The following IFNAR2 variants were observed in gnomAD, a reference collection of about 807,000 sequenced individuals.
IFNAR2 encodes interferon alpha and beta receptor subunit 2.
IFNAR2 carries 30 observed loss-of-function variants against 49.4 expected under a neutral mutation model. That is an observed-to-expected ratio of 0.61 (90% CI 0.45 to 0.82). IFNAR2 has a LOEUF of 0.82. IFNAR2 is among the 40% of genes least tolerant of loss of function. The pLI, the probability that IFNAR2 is intolerant of heterozygous loss-of-function variation, is 0.00. For synonymous variants in IFNAR2, 224 were observed against 234.5 expected, an observed-to-expected ratio of 0.96 and a Z score of 0.41; for missense variants, 600 against 622.7, an observed-to-expected ratio of 0.96 and a Z score of 0.39.
chr21:33,242,089 C>G (rs1986983825), intron 2 of IFNAR2, 112 bp downstream of exon 2: 4 of 911,432 alleles, frequency 4.4e-6, no homozygotes, highest in African/African-American at 1.7e-5. Flanking sequence ...GGACCCAGTA[C>G]CACCCTGCCT....
At chr21:33,247,722 C>T (rs1455396398) in intron 5 of IFNAR2, among the ~76,000 whole-genome samples, 1 of 152,228 alleles carries the variant, frequency 6.6e-6, no homozygotes, top group Non-Finnish European at 1.5e-5. Flanking sequence ...AGTTCCCTAA[C>T]ACACTGTGTT....
At chr21:33,262,159 G>A (rs1460805406) in intron 8 of IFNAR2, among the ~76,000 whole-genome samples, 1 of 152,158 alleles carries the variant, frequency 6.6e-6, no homozygotes, top group African/African-American at 2.4e-5. Flanking sequence ...GAGGTCGGGA[G>A]TTCAAGACCA....
Position 33,265,355 on chromosome 21 carries a change from A to G in IFNAR2, c.*1855A>G, listed in dbSNP as rs1457937379. 1 of 152,386 alleles carries G rather than the reference A, an allele frequency of 6.6e-6. No homozygotes were observed. Among genetic ancestry groups the G allele is most frequent in the East Asian group, 1.9e-4 (1 of 5,198 alleles). 9.4% of individuals were successfully genotyped at this position (152,386 alleles called of 1,614,324 possible). A position where few individuals can be genotyped will look rare whatever the true frequency, so the allele number is the denominator to read the frequency against. On this transcript the variant is annotated 3_prime_UTR_variant, in exon 9 of 9. Transcript: ENST00000342136. Reference sequence around the variant, plus strand: ...TAGGCCCCTTCAAAGGGGGAAAACTAAAAATTATACAAGTTATAGTTCAAG... The same window carrying G: ...TAGGCCCCTTCAAAGGGGGAAAACTGAAAATTATACAAGTTATAGTTCAAG...
intron 1 of IFNAR2, chr21:33,236,627 C>G: frequency 1.1e-6 from 1 of 932,040 alleles, no homozygotes; most frequent in Non-Finnish European, 1.3e-6. Flanking sequence ...CCCATGCCAA[C>G]AGTAGCAGCA....
At position 33,246,901 on chromosome 21, in the gene IFNAR2, T is replaced by C. The variant is rs1269452831; in HGVS notation, c.394+11T>C. 2.5e-6 allele frequency: 4 copies of C among 1,604,982 alleles called. No homozygotes were observed. Among genetic ancestry groups the C allele is most frequent in the Non-Finnish European group, 3.4e-6 (4 of 1,172,478 alleles). ...GGCTGGCCATAGACAGTGAGTTTTA[T>C]CTCTGTTTCTCCACTTCGTCCCCAT... On this transcript the variant is annotated intron_variant, in intron 5 of 8. Transcript: ENST00000342136.
intron 7 of IFNAR2, among the ~76,000 whole-genome samples, chr21:33,255,644 CT>C (rs1442500474): frequency 6.6e-6 from 1 of 152,150 alleles, no homozygotes; most frequent in East Asian, 1.9e-4. Context: ...AATTTGGGGA[CT>C]CCCCAACCCT....
At position 33,230,524 on chromosome 21, in the gene IFNAR2, T is replaced by A. The variant is rs1985973288; in HGVS notation, c.-84+308T>A. On this transcript the variant is annotated intron_variant, in intron 1 of 8. Coordinates refer to ENST00000342136, the MANE Select transcript of IFNAR2 (RefSeq NM_001289125.3). This position sits in a 1 kb window ranked among gnomAD's most constrained non-coding sequence, Gnocchi z 5.5. ...GCGTCCCACCCCACCCCACCAAGGATGCCCAGGATACCGGGCATTTGCCAC... is the reference window on the plus strand; with the variant it reads ...GCGTCCCACCCCACCCCACCAAGGAAGCCCAGGATACCGGGCATTTGCCAC... The A allele has an allele frequency of 2.1e-6, 1 of 470,780 alleles. No individual in the cohort carries two copies. Among genetic ancestry groups the A allele is most frequent in the Non-Finnish European group, 4.4e-6 (1 of 226,928 alleles). 29.2% of individuals were successfully genotyped at this position (470,780 alleles called of 1,614,324 possible).
chr21:33,233,074 C>A, intron 1 of IFNAR2: 1 of 385,620 alleles, frequency 2.6e-6, no homozygotes, highest in Non-Finnish European at 3.6e-6. Flanking sequence ...ATAAAACAAA[C>A]TCAAAGATGA....
At chr21:33,247,253 T>G (rs1568885913) in intron 5 of IFNAR2, among the ~76,000 whole-genome samples, 1 of 107,106 alleles carries the variant, frequency 9.3e-6, no homozygotes, top group African/African-American at 3.2e-5. Context: ...TTTCTTTCTT[T>G]CTTTTTTTTT....
Position 33,230,684 on chromosome 21 carries a change from C to G in IFNAR2, c.-84+468C>G, listed in dbSNP as rs986309760. On this transcript the variant is annotated intron_variant, in intron 1 of 8. Transcript: ENST00000342136. This position sits in a 1 kb window ranked among gnomAD's most constrained non-coding sequence, Gnocchi z 5.5. ...CCCCCTTGAGGTCCCCTGGGATTAGCCCCCCTCGACCTGCGTCAGGGTCAC... is the reference window on the plus strand; with the variant it reads ...CCCCCTTGAGGTCCCCTGGGATTAGGCCCCCTCGACCTGCGTCAGGGTCAC... 2 of 438,800 alleles carry G rather than the reference C, an allele frequency of 4.6e-6. No individual in the cohort carries two copies. Among genetic ancestry groups the G allele is most frequent in the South Asian group, 1.7e-5 (1 of 60,318 alleles). The allele number at this position is 438,800 out of a possible 1,614,324, so 27.2% of individuals were successfully genotyped here.
rs1988901239 is a variant in IFNAR2, at chr21:33,265,565, A to ATGGC, written c.*2068_*2071dup. 5.7e-6 allele frequency: 1 copy of ATGGC among 175,840 alleles called. No individual in the cohort carries two copies. The allele number at this position is 175,840 out of a possible 1,614,324, so 10.9% of individuals were successfully genotyped here. A position where few individuals can be genotyped will look rare whatever the true frequency, so the allele number is the denominator to read the frequency against. ...GGGTTGATCTTTTGCGATAACCTCTATGGCTGTGAGTGTGTGTGTGTGTTT... is the reference window on the plus strand; with the variant it reads ...GGGTTGATCTTTTGCGATAACCTCTATGGCTGGCTGTGAGTGTGTGTGTGTGTTT... On this transcript the variant is annotated 3_prime_UTR_variant, in exon 9 of 9. Transcript: ENST00000342136.
chr21:33,249,707 G>A (rs530968342), intron 6 of IFNAR2, among the ~76,000 whole-genome samples: 16 of 152,266 alleles, frequency 1.1e-4, no homozygotes, highest in East Asian at 7.7e-4. Flanking sequence ...TGCTCTCACC[G>A]GTGTAGCAGC....
chr21:33,244,704 G>C (rs368871257), intron 3 of IFNAR2, among the ~76,000 whole-genome samples: 11 of 152,302 alleles, frequency 7.2e-5, no homozygotes, highest in African/African-American at 2.6e-4. Flanking sequence ...CTTCTGTCCA[G>C]ACTCTCCTTA....
Position 33,261,520 on chromosome 21 carries a change from G to A in IFNAR2, c.840+793G>A, listed in dbSNP as rs572639814. Among the ~76,000 whole-genome samples the A allele has an allele frequency of 3.3e-5, 5 of 152,004 alleles. No homozygotes were observed. In the South Asian group the frequency reaches 8.3e-4, roughly 25 times the overall value. On this transcript the variant is annotated intron_variant, in intron 8 of 8. Coordinates refer to ENST00000342136, the MANE Select transcript of IFNAR2 (RefSeq NM_001289125.3). ...TACAATAAACATTTTTATATGGATC[G>A]TCTTTTTGTTTTGGATTATGTCAGT...
chr21:33,258,399 C>T (rs1988353994), intron 7 of IFNAR2, among the ~76,000 whole-genome samples: 1 of 152,096 alleles, frequency 6.6e-6, no homozygotes, highest in Admixed American at 6.6e-5. Flanking sequence ...GGGCCATGAG[C>T]AAAGGAATGC....
At chr21:33,245,194 C>T in intron 4 of IFNAR2, 120 bp downstream of exon 4, 1 of 719,844 alleles carries the variant, frequency 1.4e-6, no homozygotes, top group South Asian at 1.8e-5. Context: ...CTCTCCTTCT[C>T]TCTGCGTTTC....
chr21:33,245,066 A>G lies in IFNAR2; in HGVS notation c.213A>G (p.Thr71=). 2 of 1,607,826 alleles carry G rather than the reference A, an allele frequency of 1.2e-6. 1 individual carries two copies. The highest frequency in any genetic ancestry group is 2.2e-5 in the South Asian group (2 of 90,894). The stretch of plus-strand genomic sequence containing the variant: ...CAACTCACTATACATTGCTGTATAC[A>G]ATCATGAGGTTGGTTTGATATTTCA... ...IVPTHYTLLY[T]IMSKPEDLKV... is the part of the protein sequence containing the mutation. Residue 71 remains threonine, a synonymous_variant, in exon 4 of 9, where the codon ACA becomes ACG. Transcript: ENST00000342136.
At chr21:33,246,232 A>G (rs1220074832) in intron 4 of IFNAR2, among the ~76,000 whole-genome samples, 3 of 151,842 alleles carry the variant, frequency 2.0e-5, no homozygotes, top group Non-Finnish European at 4.4e-5. Flanking sequence ...CACCACGCCC[A>G]GCTAATTTTT....
intron 1 of IFNAR2, among the ~76,000 whole-genome samples, chr21:33,235,642 A>C (rs1986393603): frequency 6.6e-6 from 1 of 152,226 alleles, no homozygotes; most frequent in Non-Finnish European, 1.5e-5. Flanking sequence ...AAGTAAAAAA[A>C]TAGGCCGGGC....
Sources: gnomAD v4.1 joint callset for allele counts (sites outside exome capture counted in the v4.1 genomes callset) on GRCh38, gnomAD v4.1.1 for gene constraint, Gnocchi (gnomAD v3.1) non-coding constraint, MANE v1.5 for transcripts, NCBI Gene and HGNC (gene_info 2026-07-23, HGNC 2026-07-21) for gene names.